ITSN1: variants seen among roughly 807,000 people sequenced by gnomAD.
ITSN1 encodes the protein intersectin-1.
Under a neutral mutation model 239.8 loss-of-function variants are expected in ITSN1, and 58 were observed. The ratio of observed to expected loss-of-function variants is 0.24; its 90% CI spans 0.20 to 0.30. The LOEUF (loss-of-function observed/expected upper bound fraction) is 0.30. Ranked by LOEUF, ITSN1 falls within the 10% of genes least tolerant of loss-of-function variation. The pLI is 1.00. For missense variants in ITSN1, 1,558 were observed against 2,103.3 expected (o/e 0.74, Z 5.07); for synonymous variants, 780 against 770.8 (o/e 1.01, Z -0.20).
In ITSN1 at chr21:33,703,710, A is replaced by AT. The variant is rs920037091; in HGVS notation, c.-32-15078dup. 2.6e-5 allele frequency among the ~76,000 whole-genome samples: 4 copies of AT among 151,850 alleles called. No homozygotes were observed. The South Asian group carries it at 6.3e-4, about 24-fold the overall frequency. On this transcript the variant is annotated intron_variant, in intron 1 of 39. Transcript: ENST00000381318. Reference sequence around the variant, plus strand: ...TTGCCTTCGGAGAGTGGAATTGTGGATTTTTTTTTCACCTATCTTTTCAGT... The same window carrying AT: ...TTGCCTTCGGAGAGTGGAATTGTGGATTTTTTTTTTCACCTATCTTTTCAGT...
At chr21:33,654,038 CTT>C (rs1201176506) in intron 1 of ITSN1, among the ~76,000 whole-genome samples, 1 of 151,648 alleles carries the variant, frequency 6.6e-6, no homozygotes, top group Non-Finnish European at 1.5e-5. Context: ...TCCTCTTTCT[CTT>C]TCTTTCTCTC....
In ITSN1 at chr21:33,876,145, CTT is replaced by C. The variant is rs751151398; in HGVS notation, c.4341+626_4341+627del. ...TCTTTCTTTCTTTCTTTCTTTCTTTCTTTCTTTCTCTCTCTCCCTCTTTCTTT... is the reference window on the plus strand; with the variant it reads ...TCTTTCTTTCTTTCTTTCTTTCTTTCTCTTTCTCTCTCTCCCTCTTTCTTT... On this transcript the variant is annotated intron_variant, in intron 34 of 39. Transcript: ENST00000381318. 2.5e-3 allele frequency among the ~76,000 whole-genome samples: 62 copies of C among 24,372 alleles called. No homozygotes were observed. The African/African-American group carries it at 0.031, about 12-fold the overall frequency. The allele number at this position is 24,372 out of a possible 152,430, so 16.0% of individuals were successfully genotyped here.
chr21:33,881,945 C>CAAAAAAAA, intron 34 of ITSN1, among the ~76,000 whole-genome samples: 1 of 88,414 alleles, frequency 1.1e-5, no homozygotes, highest in Non-Finnish European at 2.2e-5. Flanking sequence ...GACCCTGTCT[C>CAAAAAAAA]AAAAAAAAAA....
intron 5 of ITSN1, among the ~76,000 whole-genome samples, chr21:33,743,262 T>A (rs2066975293): frequency 6.6e-6 from 1 of 152,180 alleles, no homozygotes; most frequent in Non-Finnish European, 1.5e-5. Flanking sequence ...GGTCAGGAGT[T>A]CAAGACCAGC....
chr21:33,713,227 A>T (rs1324028500), intron 1 of ITSN1, among the ~76,000 whole-genome samples: 2 of 150,892 alleles, frequency 1.3e-5, no homozygotes, highest in East Asian at 2.0e-4. Context: ...ATTCTTTTTC[A>T]ACATGGTAGC....
intron 29 of ITSN1, chr21:33,837,506 A>C (rs534250405): frequency 1.0e-6 from 1 of 985,940 alleles, no homozygotes; most frequent in East Asian, 1.1e-4. Context: ...TACCAACTAA[A>C]TTGTGCAGTT....
At chr21:33,817,593 G>A (rs1336334729) in intron 22 of ITSN1, 4 of 1,297,588 alleles carry the variant, frequency 3.1e-6, no homozygotes, top group East Asian at 5.6e-5. Context: ...TTACCTGCTA[G>A]TAATACTGCC....
At chr21:33,768,481 A>G (rs1451219419) in intron 11 of ITSN1, among the ~76,000 whole-genome samples, 1 of 152,118 alleles carries the variant, frequency 6.6e-6, no homozygotes, top group Non-Finnish European at 1.5e-5. Context: ...GGGTTTCACC[A>G]TGTTGGCCAG....
intron 1 of ITSN1, among the ~76,000 whole-genome samples, chr21:33,681,154 G>A (rs1311993125): frequency 6.6e-6 from 1 of 152,166 alleles, no homozygotes; most frequent in African/African-American, 2.4e-5. Context: ...GTAGGAAAGG[G>A]TCTGTTAAGG....
At chr21:33,851,383 CTCTTTTTTCTTT>C (rs1978308775) in intron 29 of ITSN1, among the ~76,000 whole-genome samples, 3 of 152,004 alleles carry the variant, frequency 2.0e-5, no homozygotes, top group Admixed American at 1.3e-4. Flanking sequence ...AGCACACGGG[CTCTTTTTTCTTT>C]TCTTTTTTTT....
chr21:33,817,348 C>T lies in ITSN1; in HGVS notation c.2728-919C>T, dbSNP rs1421889817. 37 of 1,304,352 alleles carry T rather than the reference C, an allele frequency of 2.8e-5. No homozygotes were observed. In the South Asian group the frequency reaches 3.0e-4, roughly 10 times the overall value. The allele number at this position is 1,304,352 out of a possible 1,614,324, so 80.8% of individuals were successfully genotyped here. On this transcript the variant is annotated intron_variant, in intron 22 of 39. Coordinates refer to ENST00000381318, the MANE Select transcript of ITSN1 (RefSeq NM_003024.3). ...GAGGCTTTTGCCCATGCTGCGCCCTCGGCCTGGAGTGCCCTTCCTCCGAAG... is the reference window on the plus strand; with the variant it reads ...GAGGCTTTTGCCCATGCTGCGCCCTTGGCCTGGAGTGCCCTTCCTCCGAAG...
At chr21:33,835,045 G>A (rs761339249) in intron 28 of ITSN1, among the ~76,000 whole-genome samples, 1 of 152,196 alleles carries the variant, frequency 6.6e-6, no homozygotes, top group Non-Finnish European at 1.5e-5. Flanking sequence ...GGTGAGGTCA[G>A]GGGGAGCAGA....
chr21:33,856,961 C>T lies in ITSN1; in HGVS notation c.3783+104C>T, dbSNP rs1979463198. The T allele has an allele frequency of 3.5e-6, 4 of 1,145,756 alleles. No homozygotes were observed. In the African/African-American group the frequency reaches 6.1e-5, roughly 18 times the overall value. 71.0% of individuals were successfully genotyped at this position (1,145,756 alleles called of 1,614,324 possible). A position where few individuals can be genotyped will look rare whatever the true frequency, so the allele number is the denominator to read the frequency against. ...ATGTCCTGATTCTGAGCCCAAGAAACTTTCTGATGTTTGAGGAGCATCTGG... is the reference window on the plus strand; with the variant it reads ...ATGTCCTGATTCTGAGCCCAAGAAATTTTCTGATGTTTGAGGAGCATCTGG... On this transcript the variant is annotated intron_variant, in intron 30 of 39. Coordinates refer to ENST00000381318, the MANE Select transcript of ITSN1 (RefSeq NM_003024.3).
chr21:33,705,293 C>A (rs996581926), intron 1 of ITSN1, among the ~76,000 whole-genome samples: 3 of 151,908 alleles, frequency 2.0e-5, no homozygotes, highest in Non-Finnish European at 4.4e-5. Flanking sequence ...TAAGTAAGCT[C>A]TAAATAGAAA....
At chr21:33,724,678 A>G (rs1601849766) in intron 4 of ITSN1, among the ~76,000 whole-genome samples, 2 of 152,260 alleles carry the variant, frequency 1.3e-5, no homozygotes, top group South Asian at 2.1e-4. Context: ...TGCTGCGGAT[A>G]TAGCAATGAA....
At chr21:33,810,650 G>A (rs1226255601) in intron 20 of ITSN1, among the ~76,000 whole-genome samples, 1 of 152,134 alleles carries the variant, frequency 6.6e-6, no homozygotes, top group East Asian at 1.9e-4. Flanking sequence ...TTCTGATGAA[G>A]CCTGTTAAGT....
chr21:33,883,894 GTTTTTTTTT>G (rs34448559), intron 36 of ITSN1, among the ~76,000 whole-genome samples: 3 of 109,778 alleles, frequency 2.7e-5, no homozygotes, highest in Admixed American at 1.0e-4. Context: ...TTTTGCTTGA[GTTTTTTTTT>G]TTTTTTTTTT....
intron 29 of ITSN1, among the ~76,000 whole-genome samples, chr21:33,844,468 C>T (rs2074924742): frequency 6.6e-6 from 1 of 152,204 alleles, no homozygotes; most frequent in East Asian, 1.9e-4. Flanking sequence ...CTTGTGTTCT[C>T]TTGCCAGCAA....
At chr21:33,672,296 A>G (rs1424611387) in intron 1 of ITSN1, among the ~76,000 whole-genome samples, 1 of 152,204 alleles carries the variant, frequency 6.6e-6, no homozygotes, top group African/African-American at 2.4e-5. Flanking sequence ...TAACAAAATC[A>G]GTTTTATTCT....
Sources: gnomAD v4.1 joint callset for allele counts (sites outside exome capture counted in the v4.1 genomes callset) on GRCh38, gnomAD v4.1.1 for gene constraint, MANE v1.5 for transcripts, NCBI Gene and HGNC (gene_info 2026-07-23, HGNC 2026-07-21) for gene names.